Variants in RTP2 observed in about 807,000 individuals in gnomAD.
RTP2 encodes the protein receptor transporter protein 2, also known as receptor-transporting protein 2.
In RTP2, 12 loss-of-function variants were observed where a neutral mutation model predicts 17.9. The ratio of observed to expected loss-of-function variants is 0.67; its 90% CI spans 0.43 to 1.09. The LOEUF is 1.09. Among genes scored for constraint, RTP2 ranks in the 50% least tolerant of loss-of-function variants. The pLI is 0.00. For missense variants in RTP2, 327 were observed against 295.7 expected (o/e 1.11, Z -0.78); for synonymous variants, 126 against 117.7 (o/e 1.07, Z -0.46).
intron 1 of RTP2, among the ~76,000 whole-genome samples, chr3:187,700,202 A>C (rs952420720): frequency 4.6e-5 from 7 of 152,236 alleles, no homozygotes; most frequent in African/African-American, 1.7e-4. Context: ...GGTGAGGCCA[A>C]GCCTGGCTCT....
exon 1 of RTP2, chr3:187,702,013 T>C: frequency 6.2e-7 from 1 of 1,612,438 alleles, no homozygotes; most frequent in Non-Finnish European, 8.5e-7. Context: ...AGGGGCCAGC[T>C]CACTGGGCTT....
chr3:187,704,142 T>C (rs929909861), upstream of RTP2, among the ~76,000 whole-genome samples: 2 of 152,178 alleles, frequency 1.3e-5, 1 homozygote, highest in South Asian at 4.1e-4. Context: ...CTTTTTCAAA[T>C]AAAGAAATTG....
intron 1 of RTP2, among the ~76,000 whole-genome samples, chr3:187,701,186 A>C (rs1183460416): frequency 6.6e-6 from 1 of 152,232 alleles, no homozygotes; most frequent in Non-Finnish European, 1.5e-5. Context: ...CTGTAGTCCC[A>C]GTCCCCAATC....
At chr3:187,715,617 G>A in the RTP2 span, 2 of 456,140 alleles carry the variant, frequency 4.4e-6, no homozygotes, top group Middle Eastern at 6.5e-4. Flanking sequence ...TTTCCTTTAT[G>A]ATAGAGTTGG....
At chr3:187,698,874 G>A (rs1055612371) in exon 2 of RTP2, 11 of 1,612,934 alleles carry the variant, frequency 6.8e-6, no homozygotes, top group Admixed American at 3.3e-5. Context: ...CAGCCGCGCC[G>A]TGCCGCACTC....
exon 2 of RTP2, chr3:187,698,515 T>A (rs1431031701): frequency 6.2e-7 from 1 of 1,610,708 alleles, no homozygotes; most frequent in Non-Finnish European, 8.5e-7. Flanking sequence ...AAGGCAGGAC[T>A]GAGGAAGGAG....
exon 1 of RTP2, chr3:187,702,150 A>C: frequency 1.9e-6 from 3 of 1,583,430 alleles, no homozygotes; most frequent in Non-Finnish European, 2.6e-6. Context: ...CAGAGGTGGC[A>C]GTTCGAGCTC....
At chr3:187,714,366 A>G in the RTP2 span, among the ~76,000 whole-genome samples, 1 of 152,208 alleles carries the variant, frequency 6.6e-6, no homozygotes, top group African/African-American at 2.4e-5. Flanking sequence ...CTTTACACAC[A>G]TTCAAGTAGA....
rs771585756 is a variant in RTP2, at chr3:187,698,776, C to T, written c.400G>A (p.Gly134Ser). ...GCCACGTGGATGCGGTACTGGCCAC[C>T]ATCCTCCTCGTAGCACTGCTCGCGC... Residue 134 changes from glycine to serine, a missense_variant, in exon 2 of 2, where the codon GGT (glycine) becomes AGT (serine). Coordinates refer to ENST00000358241, the Ensembl canonical transcript of RTP2. 6 of 1,613,958 alleles carry T rather than the reference C, an allele frequency of 3.7e-6. No homozygotes were observed. The highest frequency in any genetic ancestry group is 3.3e-5 in the Admixed American group (2 of 59,994).
the RTP2 span, among the ~76,000 whole-genome samples, chr3:187,708,203 G>A: frequency 6.6e-6 from 1 of 152,166 alleles, no homozygotes; most frequent in South Asian, 2.1e-4. Context: ...AGACACCCAC[G>A]GGCTATATCT....
At chr3:187,710,295 G>A in the RTP2 span, among the ~76,000 whole-genome samples, 1 of 151,598 alleles carries the variant, frequency 6.6e-6, no homozygotes, top group Non-Finnish European at 1.5e-5. Context: ...TCTTCAGCTT[G>A]TAGTTGGCAA....
chr3:187,707,731 A>C, the RTP2 span, among the ~76,000 whole-genome samples: 22 of 152,314 alleles, frequency 1.4e-4, no homozygotes, highest in African/African-American at 5.1e-4. Context: ...ACATGATCCT[A>C]TTTGCATATC....
the RTP2 span, among the ~76,000 whole-genome samples, chr3:187,711,189 G>C: frequency 6.6e-6 from 1 of 152,100 alleles, no homozygotes; most frequent in African/African-American, 2.4e-5. Context: ...GGTGTCCAGG[G>C]GTGTCTATTT....
the RTP2 span, among the ~76,000 whole-genome samples, chr3:187,710,669 G>A: frequency 6.6e-6 from 1 of 151,666 alleles, no homozygotes; most frequent in East Asian, 1.9e-4. Context: ...CCCACATATA[G>A]TACTTATCAA....
the RTP2 span, among the ~76,000 whole-genome samples, chr3:187,709,147 T>C: frequency 6.6e-6 from 1 of 152,176 alleles, no homozygotes; most frequent in African/African-American, 2.4e-5. Flanking sequence ...TGTTAAACAT[T>C]TAGAATTTAT....
At chr3:187,708,293 T>A in the RTP2 span, among the ~76,000 whole-genome samples, 1 of 152,198 alleles carries the variant, frequency 6.6e-6, no homozygotes, top group Non-Finnish European at 1.5e-5. Context: ...TTTATGCTGG[T>A]AAGCAGGGGG....
At chr3:187,714,387 A>G in the RTP2 span, among the ~76,000 whole-genome samples, 2 of 152,204 alleles carry the variant, frequency 1.3e-5, no homozygotes, top group Admixed American at 6.5e-5. Context: ...TCTCCGAAAG[A>G]AAGATTTGGG....
chr3:187,698,345 T>C (rs1717740101), exon 2 of RTP2: 7 of 642,386 alleles, frequency 1.1e-5, no homozygotes, highest in Non-Finnish European at 1.9e-5. Flanking sequence ...TATCTTCTAA[T>C]GCAATCCTCT....
At chr3:187,701,857 G>T in intron 1 of RTP2, 108 bp downstream of exon 1, 1 of 964,304 alleles carries the variant, frequency 1.0e-6, no homozygotes, top group Non-Finnish European at 1.5e-6. Context: ...CCCCATCTGA[G>T]CTGACACCAG....
Sources: allele counts gnomAD v4.1 joint callset (sites outside exome capture counted in the v4.1 genomes callset), GRCh38; gene constraint gnomAD v4.1.1; transcripts MANE v1.5; gene names NCBI Gene and HGNC (gene_info 2026-07-23, HGNC 2026-07-21).